Variants in CRYBG3 observed in about 807,000 individuals in gnomAD.
The protein encoded by CRYBG3 is very large A-kinase anchor protein.
A neutral mutation model predicts 244.2 loss-of-function variants in CRYBG3; 127 were observed. The observed-to-expected ratio is 0.52, with a 90% CI of 0.45 to 0.60. The LOEUF is 0.60. Among genes scored for constraint, CRYBG3 ranks in the 20% least tolerant of loss-of-function variants. The pLI, the probability that CRYBG3 is intolerant of heterozygous loss-of-function variation, is 0.00. For missense variants in CRYBG3, 3,325 were observed against 3,442.5 expected (o/e 0.97, Z 0.85); for synonymous variants, 1,132 against 1,195.8 (o/e 0.95, Z 1.10).
At chr3:97,942,589 T>C in intron 21 of CRYBG3, 146 bp downstream of exon 21, 1 of 744,902 alleles carries the variant, frequency 1.3e-6, no homozygotes, top group Non-Finnish European at 2.1e-6. Flanking sequence ...AGATAGGCAG[T>C]TTTACAAACA....
At position 97,873,932 on chromosome 3, in the gene CRYBG3, C is replaced by T; in HGVS notation, c.2738C>T (p.Pro913Leu). 1 of 1,535,832 alleles carries T rather than the reference C, an allele frequency of 6.5e-7. No individual in the cohort carries two copies. Among genetic ancestry groups the T allele is most frequent in the Non-Finnish European group, 8.7e-7 (1 of 1,146,830 alleles). ...LKENCQAELS[P>L]AASKYEDKPE... is the part of the protein sequence containing the mutation. Reference sequence around the variant, plus strand: ...GAGAATTGCCAAGCTGAGCTTTCTCCTGCTGCCTCCAAATATGAAGATAAG... The same window carrying T: ...GAGAATTGCCAAGCTGAGCTTTCTCTTGCTGCCTCCAAATATGAAGATAAG... Residue 913 changes from proline (P) to leucine (L), a missense_variant, in exon 4 of 22, where the codon CCT (proline) becomes CTT (leucine). Pro to Leu is a moderately conservative substitution (Grantham distance 98, BLOSUM62 -3). Transcript: ENST00000389622.
chr3:97,873,380 T>A lies in CRYBG3; in HGVS notation c.2186T>A (p.Ile729Asn), dbSNP rs1257463198. 6.5e-7 allele frequency: 1 copy of A among 1,535,782 alleles called. No homozygotes were observed. The stretch of plus-strand genomic sequence containing the variant: ...TTTTGCCTTGAATATACATCTGCAA[T>A]TTTTGAATTCAAAGAAGTTCTTTCT... ...PSFCLEYTSAIFEFKEVLSNS... is the reference protein window; with the variant it reads ...PSFCLEYTSANFEFKEVLSNS... Residue 729 changes from isoleucine to asparagine, a missense_variant, in exon 4 of 22, where the codon ATT (isoleucine) becomes AAT (asparagine). Transcript: ENST00000389622.
Position 97,877,904 on chromosome 3 carries a change from A to G in CRYBG3, c.6710A>G (p.Tyr2237Cys). The change falls in exon 4 of 22, where the codon TAT (tyrosine) becomes TGT (cysteine). Residue 2237 changes from tyrosine to cysteine, a missense_variant. By Grantham distance (194) the Tyr-to-Cys change is radical. This residue lies in a region of CRYBG3 where 450 missense variants were observed against 424.1 expected (regional missense o/e 1.06). Transcript: ENST00000389622. Reference sequence around the variant, plus strand: ...CTACATTCTTCTTTAAAGAGTGCTTATCATCAGTATCTGCAGACTTCCCAA... The same window carrying G: ...CTACATTCTTCTTTAAAGAGTGCTTGTCATCAGTATCTGCAGACTTCCCAA... ...SKLHSSLKSA[Y>C]HQYLQTSQSH... The G allele has an allele frequency of 1.9e-6, 3 of 1,614,178 alleles. No individual in the cohort carries two copies. Among genetic ancestry groups the G allele is most frequent in the Non-Finnish European group, 8.5e-7 (1 of 1,180,026 alleles).
In CRYBG3 at chr3:97,941,293, T is replaced by A; in HGVS notation, c.8651T>A (p.Leu2884His). The A allele has an allele frequency of 6.2e-7, 1 of 1,606,666 alleles. No individual in the cohort carries two copies. Among genetic ancestry groups the A allele is most frequent in the Non-Finnish European group, 8.5e-7 (1 of 1,175,800 alleles). ...NTQIWYYCRGLFKSKASDTCL... is the reference protein window; with the variant it reads ...NTQIWYYCRGHFKSKASDTCL... ...CAGATCTGGTACTACTGCCGAGGACTCTTTAAATCCAAGGTAAGCAATCCC... is the reference window on the plus strand; with the variant it reads ...CAGATCTGGTACTACTGCCGAGGACACTTTAAATCCAAGGTAAGCAATCCC... The change falls in exon 20 of 22, where the codon CTC (leucine) becomes CAC (histidine). Residue 2884 changes from leucine to histidine, a missense_variant. Leu to His is a moderately conservative substitution (Grantham distance 99, BLOSUM62 -3). Coordinates refer to ENST00000389622, the MANE Select transcript of CRYBG3 (RefSeq NM_153605.4).
At chr3:97,895,890 TTGTCTC>T (rs2039634121) in intron 11 of CRYBG3, 63 bp from the exon 12 acceptor site, 1 of 1,428,420 alleles carries the variant, frequency 7.0e-7, no homozygotes, top group Non-Finnish European at 9.7e-7. Flanking sequence ...TTTATCTTGA[TTGTCTC>T]TGTTTTGCTT....
At chr3:97,855,602 G>A (rs551408301) in intron 2 of CRYBG3, among the ~76,000 whole-genome samples, 10 of 152,210 alleles carry the variant, frequency 6.6e-5, no homozygotes, top group African/African-American at 2.4e-4. Context: ...AACCTGCCCC[G>A]ATAGTCACGT....
chr3:97,942,519 G>T, intron 21 of CRYBG3, 76 bp downstream of exon 21: 1 of 1,314,498 alleles, frequency 7.6e-7, no homozygotes, highest in Non-Finnish European at 1.0e-6. Flanking sequence ...TTTGGGTAAA[G>T]GACATCCTTA....
At chr3:97,907,216 T>C in intron 15 of CRYBG3, among the ~76,000 whole-genome samples, 1 of 152,206 alleles carries the variant, frequency 6.6e-6, no homozygotes, top group Non-Finnish European at 1.5e-5. Context: ...TCTTTTTTTA[T>C]TGTGTCTCTG....
In CRYBG3 at chr3:97,843,216, C is replaced by T. The variant is rs1576515282; in HGVS notation, c.171C>T (p.Ser57=). The T allele has an allele frequency of 1.4e-5, 22 of 1,521,522 alleles. No individual in the cohort carries two copies. The highest frequency in any genetic ancestry group is 2.0e-5 in the Admixed American group (1 of 50,340). 94.3% of individuals were successfully genotyped at this position (1,521,522 alleles called of 1,614,324 possible). A position where few individuals can be genotyped will look rare whatever the true frequency, so the allele number is the denominator to read the frequency against. The part of the protein sequence containing the change: ...SAASVENEPM[S]TSQKKENVLS... ...TCAGTGTTGAAAATGAGCCCATGAGCACAAGTCAGAAAAAGGAAAATGTAC... is the reference window on the plus strand; with the variant it reads ...TCAGTGTTGAAAATGAGCCCATGAGTACAAGTCAGAAAAAGGAAAATGTAC... Residue 57 remains serine (S), a synonymous_variant, in exon 2 of 22, where the codon AGC becomes AGT. Transcript: ENST00000389622.
rs143623948 is a variant in CRYBG3, at chr3:97,875,409, A to C, written c.4215A>C (p.Leu1405=). The part of the protein sequence containing the change: ...GGEIVLYQKS[L]FSGNGSGLSD... ...AAATTGTTCTCTACCAAAAATCCCTATTTTCTGGAAATGGATCTGGACTGT... is the reference window on the plus strand; with the variant it reads ...AAATTGTTCTCTACCAAAAATCCCTCTTTTCTGGAAATGGATCTGGACTGT... Residue 1405 remains leucine, a synonymous_variant, in exon 4 of 22, where the codon CTA becomes CTC. Transcript: ENST00000389622. The C allele has an allele frequency of 1.3e-4, 182 of 1,409,236 alleles. No homozygotes were observed. The African/African-American group carries it at 2.2e-3, about 17-fold the overall frequency. 87.3% of individuals were successfully genotyped at this position (1,409,236 alleles called of 1,614,324 possible).
intron 2 of CRYBG3, among the ~76,000 whole-genome samples, chr3:97,857,336 G>A (rs993147045): frequency 7.9e-5 from 12 of 151,740 alleles, no homozygotes; most frequent in African/African-American, 2.9e-4. Context: ...TGAGAAAAAT[G>A]TGTATTCTGT....
intron 10 of CRYBG3, among the ~76,000 whole-genome samples, chr3:97,889,670 G>A (rs1434962579): frequency 1.3e-5 from 2 of 152,112 alleles, no homozygotes; most frequent in Non-Finnish European, 2.9e-5. Flanking sequence ...TGATAGGTTT[G>A]ATTTTTGTTT....
intron 15 of CRYBG3, among the ~76,000 whole-genome samples, chr3:97,901,645 C>T (rs2039707801): frequency 2.6e-5 from 4 of 152,160 alleles, no homozygotes; most frequent in Admixed American, 2.6e-4. Context: ...ATCAAAATAA[C>T]ATGAGTAGAT....
intron 10 of CRYBG3, among the ~76,000 whole-genome samples, chr3:97,891,693 TA>T (rs2039577598): frequency 6.6e-6 from 1 of 152,092 alleles, no homozygotes; most frequent in East Asian, 1.9e-4. Flanking sequence ...TTGTTAAGAT[TA>T]GGGGAAAAAA....
At position 97,933,210 on chromosome 3, in the gene CRYBG3, C is replaced by CT. The variant is rs1221811311; in HGVS notation, c.8242-477dup. 5.3e-5 allele frequency: 22 copies of CT among 413,260 alleles called. No homozygotes were observed. In the East Asian group the frequency reaches 5.8e-4, roughly 11 times the overall value. The allele number at this position is 413,260 out of a possible 1,614,324, so 25.6% of individuals were successfully genotyped here. On this transcript the variant is annotated intron_variant, in intron 17 of 21. Coordinates refer to ENST00000389622, the MANE Select transcript of CRYBG3 (RefSeq NM_153605.4). ...TCACCACCATTCTTGTGCATTTCAG[C>CT]TTTTTTTAAATTAAAAATGCCTTTA... is the stretch of plus-strand genomic sequence containing the variant.
Position 97,864,487 on chromosome 3 carries a change from C to G in CRYBG3, c.487C>G (p.His163Asp), listed in dbSNP as rs778138108. The G allele has an allele frequency of 7.8e-6, 12 of 1,535,978 alleles. No individual in the cohort carries two copies. Among genetic ancestry groups the G allele is most frequent in the Middle Eastern group, 1.7e-4 (1 of 5,990 alleles). The change falls in exon 3 of 22, where the codon CAT becomes GAT. Residue 163 changes from histidine to aspartate, a missense_variant. Around this residue, in one of 4 missense-constraint regions of CRYBG3, gnomAD observed 1,526 missense variants for 1,443.2 expected, o/e 1.06. Transcript: ENST00000389622. ...GGATTTACAAAATCCCAGTGACCATCATGAAGACGGGATCAAAAGGGAGAG... is the reference window on the plus strand; with the variant it reads ...GGATTTACAAAATCCCAGTGACCATGATGAAGACGGGATCAAAAGGGAGAG... ...EKDLQNPSDH[H>D]EDGIKREREI...
chr3:97,846,738 T>TTGCCTA (rs1416343039), intron 2 of CRYBG3, among the ~76,000 whole-genome samples: 3 of 152,130 alleles, frequency 2.0e-5, no homozygotes, highest in African/African-American at 7.2e-5. Flanking sequence ...TCATTTCAGA[T>TTGCCTA]TGCCTATGGG....
chr3:97,875,341 C>A lies in CRYBG3; in HGVS notation c.4147C>A (p.Leu1383Ile). ...TAAAGTATTAAATGAATTCTTCTCC[C>A]TAAGTAACTTAGCTAGTGGCACAGA... ...ENKVLNEFFS[L>I]SNLASGTESI... The change falls in exon 4 of 22, where the codon CTA (leucine) becomes ATA (isoleucine). Residue 1383 changes from leucine to isoleucine, a missense_variant. Transcript: ENST00000389622. The A allele has an allele frequency of 7.0e-7, 1 of 1,429,188 alleles. No homozygotes were observed. The highest frequency in any genetic ancestry group is 2.5e-5 in the East Asian group (1 of 39,378). The allele number at this position is 1,429,188 out of a possible 1,614,324, so 88.5% of individuals were successfully genotyped here.
At chr3:97,845,738 T>G (rs561892440) in intron 2 of CRYBG3, among the ~76,000 whole-genome samples, 1 of 152,366 alleles carries the variant, frequency 6.6e-6, no homozygotes, top group Non-Finnish European at 1.5e-5. Flanking sequence ...TCCTTGGCCC[T>G]TGCCTTGACT....
Sources: gnomAD v4.1 joint callset for allele counts (sites outside exome capture counted in the v4.1 genomes callset) on GRCh38, gnomAD v4.1.1 for gene constraint, gnomAD v4.1.1 regional missense constraint, MANE v1.5 for transcripts, NCBI Gene and HGNC (gene_info 2026-07-23, HGNC 2026-07-21) for gene names.